Variants in PARD3B observed in about 807,000 individuals in gnomAD.
PARD3B encodes partitioning defective 3 homolog B.
A neutral mutation model predicts 130.2 loss-of-function variants in PARD3B; 103 were observed. The ratio of observed to expected loss-of-function variants is 0.79; its 90% CI spans 0.67 to 0.93. The LOEUF (loss-of-function observed/expected upper bound fraction) is 0.93, where lower values mean the gene tolerates loss of function less well. Among genes scored for constraint, PARD3B ranks in the 40% least tolerant of loss-of-function variants. The pLI, the probability that PARD3B is intolerant of heterozygous loss-of-function variation, is 0.00. For missense variants in PARD3B, 1,609 were observed against 1,499.2 expected, an observed-to-expected ratio of 1.07 and a Z score of -1.21; for synonymous variants, 583 against 553.2, an observed-to-expected ratio of 1.05 and a Z score of -0.76.
At chr2:204,638,840 G>A (rs148634567) in intron 1 of PARD3B, among the ~76,000 whole-genome samples, 1 of 152,282 alleles carries the variant, frequency 6.6e-6, no homozygotes, top group East Asian at 1.9e-4. Context: ...AGACCCCTTT[G>A]AAGCTGAAAG....
At chr2:204,770,731 T>A (rs756880014) in intron 2 of PARD3B, among the ~76,000 whole-genome samples, 44 of 152,004 alleles carry the variant, frequency 2.9e-4, no homozygotes, top group Non-Finnish European at 5.6e-4. Flanking sequence ...CCTACTGACA[T>A]CCCCTGGCAC....
intron 18 of PARD3B, among the ~76,000 whole-genome samples, chr2:205,324,235 A>G (rs1275468974): frequency 6.6e-6 from 1 of 152,192 alleles, no homozygotes; most frequent in African/African-American, 2.4e-5. Context: ...AAATTCTTCT[A>G]TTACTTTTTT....
intron 18 of PARD3B, among the ~76,000 whole-genome samples, chr2:205,326,363 A>ATT (rs1375768303): frequency 6.6e-6 from 1 of 152,198 alleles, no homozygotes; most frequent in African/African-American, 2.4e-5. Flanking sequence ...TAGGGACACA[A>ATT]TTTGACAATT....
intron 2 of PARD3B, among the ~76,000 whole-genome samples, chr2:204,929,298 ACGCTT>A (rs1687854257): frequency 6.6e-6 from 1 of 152,166 alleles, no homozygotes; most frequent in Non-Finnish European, 1.5e-5. Flanking sequence ...CAGTGGACAC[ACGCTT>A]CACTGACATT....
intron 18 of PARD3B, among the ~76,000 whole-genome samples, chr2:205,340,211 T>C (rs1328254911): frequency 2.0e-5 from 3 of 152,096 alleles, no homozygotes; most frequent in African/African-American, 7.2e-5. Context: ...GAAGATCTTA[T>C]ACAGTATTAT....
At chr2:204,848,935 A>T (rs1256933659) in intron 2 of PARD3B, among the ~76,000 whole-genome samples, 1 of 152,118 alleles carries the variant, frequency 6.6e-6, no homozygotes, top group Non-Finnish European at 1.5e-5. Context: ...GCTTATCAAT[A>T]ACAATTTTAA....
intron 21 of PARD3B, among the ~76,000 whole-genome samples, chr2:205,537,370 T>A (rs1488467207): frequency 6.6e-6 from 1 of 152,230 alleles, no homozygotes; most frequent in East Asian, 1.9e-4. Context: ...ATAGAAATAA[T>A]CATGGCAAGT....
At chr2:205,503,883 C>A (rs946452421) in intron 21 of PARD3B, among the ~76,000 whole-genome samples, 6 of 152,074 alleles carry the variant, frequency 3.9e-5, no homozygotes, top group Non-Finnish European at 7.4e-5. Flanking sequence ...TTGAAGAGGT[C>A]CTTCACATCT....
intron 3 of PARD3B, among the ~76,000 whole-genome samples, chr2:205,003,144 C>T (rs973489118): frequency 3.3e-5 from 5 of 152,200 alleles, no homozygotes; most frequent in Admixed American, 1.3e-4. Flanking sequence ...AATGGCCGTC[C>T]GGTCTTTATT....
At chr2:204,886,261 C>A (rs2046268193) in intron 2 of PARD3B, among the ~76,000 whole-genome samples, 1 of 152,114 alleles carries the variant, frequency 6.6e-6, no homozygotes, top group Non-Finnish European at 1.5e-5. Context: ...TCTCCATAAA[C>A]CAGAGTCGAA....
At chr2:204,729,001 C>A (rs970941000) in intron 2 of PARD3B, among the ~76,000 whole-genome samples, 3 of 152,098 alleles carry the variant, frequency 2.0e-5, no homozygotes, top group Non-Finnish European at 4.4e-5. Context: ...TCAGAACAAG[C>A]TGACAGGTAG....
At chr2:205,270,477 A>C (rs1574554649) in intron 16 of PARD3B, among the ~76,000 whole-genome samples, 1 of 151,816 alleles carries the variant, frequency 6.6e-6, no homozygotes. Flanking sequence ...TGAGGCAGGA[A>C]TATCGCTTGA....
rs369877041 is a variant in PARD3B, at chr2:205,172,237, G to A, written c.1647G>A (p.Gln549=). The part of the protein sequence containing the change: ...FKDGRLRMND[Q]LIAVNGESLL... ...ATGGTCGTCTGCGAATGAATGACCAGCTGATTGCAGTTAATGGGGAATCTC... is the reference window on the plus strand; with the variant it reads ...ATGGTCGTCTGCGAATGAATGACCAACTGATTGCAGTTAATGGGGAATCTC... Residue 549 remains glutamine, a synonymous_variant, in exon 12 of 23, where the codon CAG becomes CAA. Transcript: ENST00000406610. 5.5e-5 allele frequency: 89 copies of A among 1,614,004 alleles called. No homozygotes were observed. The African/African-American group carries it at 1.0e-3, about 19-fold the overall frequency.
At chr2:205,223,618 CA>C (rs59815698) in intron 15 of PARD3B, among the ~76,000 whole-genome samples, 1 of 151,572 alleles carries the variant, frequency 6.6e-6, no homozygotes, top group Non-Finnish European at 1.5e-5. Flanking sequence ...GTCCTGTATT[CA>C]AAAAAACCAA....
At chr2:205,503,290 G>A (rs945592783) in intron 21 of PARD3B, among the ~76,000 whole-genome samples, 1 of 152,136 alleles carries the variant, frequency 6.6e-6, no homozygotes, top group African/African-American at 2.4e-5. Context: ...TATGTACTGA[G>A]AGAGAGTAGT....
chr2:205,155,735 C>G (rs990683172), intron 10 of PARD3B, among the ~76,000 whole-genome samples: 1 of 152,066 alleles, frequency 6.6e-6, no homozygotes, highest in Non-Finnish European at 1.5e-5. Context: ...TAATGATTGC[C>G]ATTCTAACTG....
At chr2:204,626,814 T>A (rs541847741) in intron 1 of PARD3B, among the ~76,000 whole-genome samples, 23 of 152,324 alleles carry the variant, frequency 1.5e-4, no homozygotes, top group African/African-American at 4.6e-4. Flanking sequence ...TTCTATGATT[T>A]TTTTTTCAAA....
At chr2:204,832,978 T>C (rs1032686858) in intron 2 of PARD3B, among the ~76,000 whole-genome samples, 2 of 152,194 alleles carry the variant, frequency 1.3e-5, no homozygotes, top group African/African-American at 4.8e-5. Context: ...TAAGGTAGCA[T>C]TATTATTGTA....
chr2:205,022,002 C>G (rs997731869), intron 3 of PARD3B, among the ~76,000 whole-genome samples: 2 of 152,126 alleles, frequency 1.3e-5, no homozygotes, highest in Admixed American at 6.5e-5. Context: ...CTTTTTCAAA[C>G]AAATTCAGTT....
Sources: gnomAD v4.1 joint callset for allele counts (sites outside exome capture counted in the v4.1 genomes callset) on GRCh38, gnomAD v4.1.1 for gene constraint, MANE v1.5 for transcripts, NCBI Gene and HGNC (gene_info 2026-07-23, HGNC 2026-07-21) for gene names.